LRRTM4: variants seen among roughly 807,000 people sequenced by gnomAD.
The protein encoded by LRRTM4 is leucine-rich repeat transmembrane neuronal protein 4.
A neutral mutation model predicts 47.6 loss-of-function variants in LRRTM4; 25 were observed. The ratio of observed to expected loss-of-function variants is 0.53; its 90% CI spans 0.38 to 0.73. The LOEUF is 0.73. Among genes scored for constraint, LRRTM4 ranks in the 30% least tolerant of loss-of-function variants. The pLI, the probability that LRRTM4 is intolerant of heterozygous loss-of-function variation, is 0.00. For missense variants in LRRTM4, 638 were observed against 713.4 expected, an observed-to-expected ratio of 0.89 and a Z score of 1.20; for synonymous variants, 311 against 269.5, an observed-to-expected ratio of 1.15 and a Z score of -1.51.
chr2:77,372,768 A>G (rs1672697001), intron 3 of LRRTM4, among the ~76,000 whole-genome samples: 2 of 151,688 alleles, frequency 1.3e-5, no homozygotes, highest in South Asian at 4.1e-4. Context: ...ATCACATCAT[A>G]TTAAATAACT....
chr2:77,084,455 C>T (rs1288987743), intron 3 of LRRTM4, among the ~76,000 whole-genome samples: 1 of 152,126 alleles, frequency 6.6e-6, no homozygotes, highest in Non-Finnish European at 1.5e-5. Context: ...CTATGTTTAC[C>T]ATGTTGTGTT....
Position 76,966,305 on chromosome 2 carries a change from AAGG to A in LRRTM4, c.1552-217392_1552-217390del, listed in dbSNP as rs1166137389. Among the ~76,000 whole-genome samples, 6 of 151,468 alleles carry A rather than the reference AAGG, an allele frequency of 4.0e-5. No homozygotes were observed. In the East Asian group the frequency reaches 9.8e-4, roughly 25 times the overall value. ...GGAGGTAGAGGAGAAGAATGGGGAA[AAGG>A]AGGAGCAGGGAGCAAAGGAGGAAGT... On this transcript the variant is annotated intron_variant, in intron 3 of 3. Coordinates refer to ENST00000409884, the MANE Select transcript of LRRTM4 (RefSeq NM_001134745.3).
chr2:77,161,491 T>C (rs1468334605), intron 3 of LRRTM4, among the ~76,000 whole-genome samples: 1 of 152,194 alleles, frequency 6.6e-6, no homozygotes, highest in African/African-American at 2.4e-5. Context: ...ATAGTGATAC[T>C]TGTTGTCTCA....
chr2:76,748,373 TA>T lies in LRRTM4; in HGVS notation c.*321del, dbSNP rs1182002548. ...CCATGCAGTGTAGAAAAATCAAATA[TA>T]CAAACAAACCTATATGTAGCTAGGG... On this transcript the variant is annotated 3_prime_UTR_variant, in exon 4 of 4. Coordinates refer to ENST00000409884, the MANE Select transcript of LRRTM4 (RefSeq NM_001134745.3). 3.4e-6 allele frequency: 1 copy of T among 294,218 alleles called. No homozygotes were observed. The highest frequency in any genetic ancestry group is 6.5e-6 in the Non-Finnish European group (1 of 155,038). 18.2% of individuals were successfully genotyped at this position (294,218 alleles called of 1,614,324 possible). A position where few individuals can be genotyped will look rare whatever the true frequency, so the allele number is the denominator to read the frequency against.
intron 3 of LRRTM4, among the ~76,000 whole-genome samples, chr2:77,035,316 T>TC (rs1360690958): frequency 5.9e-5 from 9 of 151,562 alleles, no homozygotes; most frequent in African/African-American, 2.2e-4. Context: ...ATATATTTAC[T>TC]CAAGTTCCCC....
intron 3 of LRRTM4, among the ~76,000 whole-genome samples, chr2:76,883,909 C>A (rs1029862861): frequency 2.6e-5 from 4 of 151,994 alleles, no homozygotes; most frequent in African/African-American, 9.7e-5. Flanking sequence ...GTCTCAAACT[C>A]ATGGGTTCAA....
chr2:76,836,890 C>A lies in LRRTM4; in HGVS notation c.1552-87974G>T, dbSNP rs75118527. On this transcript the variant is annotated intron_variant, in intron 3 of 3. Coordinates refer to ENST00000409884, the MANE Select transcript of LRRTM4 (RefSeq NM_001134745.3). ...GCCGGTCTAAGAGAAATTGGTTTGT[C>A]TTTTCCCTTATGTTACAAGAATATT... Among the ~76,000 whole-genome samples the A allele has an allele frequency of 9.9e-5, 15 of 152,192 alleles. No individual in the cohort carries two copies. In the East Asian group the frequency reaches 2.9e-3, roughly 29 times the overall value.
At chr2:77,246,845 A>T (rs1675460226) in intron 3 of LRRTM4, among the ~76,000 whole-genome samples, 1 of 152,090 alleles carries the variant, frequency 6.6e-6, no homozygotes, top group Admixed American at 6.6e-5. Context: ...GTATACATAT[A>T]TGCATATATA....
chr2:76,968,288 A>T (rs993646198), intron 3 of LRRTM4, among the ~76,000 whole-genome samples: 7 of 145,672 alleles, frequency 4.8e-5, no homozygotes, highest in Non-Finnish European at 6.1e-5. Flanking sequence ...GAGTCTAAAA[A>T]TCTCACAATA....
At chr2:76,774,700 T>G (rs931634939) in intron 3 of LRRTM4, among the ~76,000 whole-genome samples, 9 of 151,638 alleles carry the variant, frequency 5.9e-5, no homozygotes, top group South Asian at 2.1e-4. Context: ...GGCAGGAGAG[T>G]CAGGCACATT....
At chr2:77,208,091 C>A (rs1280496256) in intron 3 of LRRTM4, among the ~76,000 whole-genome samples, 1 of 151,850 alleles carries the variant, frequency 6.6e-6, no homozygotes, top group Non-Finnish European at 1.5e-5. Context: ...GTTGGCCAGG[C>A]TGCTCTTGAA....
intron 3 of LRRTM4, among the ~76,000 whole-genome samples, chr2:77,404,297 C>G (rs1558727132): frequency 6.6e-6 from 1 of 152,010 alleles, no homozygotes; most frequent in Non-Finnish European, 1.5e-5. Flanking sequence ...AAAAAGCACA[C>G]TCTTCTGTTG....
At chr2:77,465,052 A>T (rs1444818072) in intron 3 of LRRTM4, among the ~76,000 whole-genome samples, 2 of 152,216 alleles carry the variant, frequency 1.3e-5, no homozygotes, top group African/African-American at 2.4e-5. Context: ...ATTATGGAAT[A>T]CATCATTTTC....
chr2:77,309,191 A>G (rs1253830890), intron 3 of LRRTM4, among the ~76,000 whole-genome samples: 1 of 152,150 alleles, frequency 6.6e-6, no homozygotes, highest in Non-Finnish European at 1.5e-5. Flanking sequence ...CAGTTCAAAT[A>G]ATGCACTTTC....
chr2:77,107,940 T>C (rs1430928754), intron 3 of LRRTM4, among the ~76,000 whole-genome samples: 1 of 151,708 alleles, frequency 6.6e-6, no homozygotes, highest in African/African-American at 2.4e-5. Flanking sequence ...AATAACAAGG[T>C]AACACTACAT....
rs547702021 is a variant in LRRTM4, at chr2:77,399,554, A to G, written c.1551+118764T>C. On this transcript the variant is annotated intron_variant, in intron 3 of 3. Transcript: ENST00000409884. ...AAGTTCAAGAGACCTATTGTACAAT[A>G]TGGTGATGGTGACTGTAGTTAACAA... Among the ~76,000 whole-genome samples, 3 of 152,026 alleles carry G rather than the reference A, an allele frequency of 2.0e-5. No homozygotes were observed. In the South Asian group the frequency reaches 6.2e-4, roughly 31 times the overall value.
intron 3 of LRRTM4, among the ~76,000 whole-genome samples, chr2:77,264,203 G>T (rs1558659643): frequency 6.6e-6 from 1 of 152,054 alleles, no homozygotes; most frequent in Non-Finnish European, 1.5e-5. Context: ...TCTAAGGACA[G>T]AGTCAGTTTC....
intron 3 of LRRTM4, among the ~76,000 whole-genome samples, chr2:76,930,349 C>A (rs1262932634): frequency 2.6e-5 from 4 of 152,184 alleles, no homozygotes; most frequent in African/African-American, 9.7e-5. Context: ...CACACACACA[C>A]ACGCGATATG....
intron 3 of LRRTM4, among the ~76,000 whole-genome samples, chr2:77,268,042 T>TA (rs1437432182): frequency 5.9e-5 from 9 of 152,142 alleles, no homozygotes; most frequent in Non-Finnish European, 4.4e-5. Flanking sequence ...AATTTATACT[T>TA]ATGCTCTTTC....
Sources: allele counts gnomAD v4.1 joint callset (sites outside exome capture counted in the v4.1 genomes callset), GRCh38; gene constraint gnomAD v4.1.1; transcripts MANE v1.5; gene names NCBI Gene and HGNC (gene_info 2026-07-23, HGNC 2026-07-21).